HTR7: variants seen among roughly 807,000 people sequenced by gnomAD.
The protein encoded by HTR7 is 5-hydroxytryptamine receptor 7.
Under a neutral mutation model 34.0 loss-of-function variants are expected in HTR7, and 16 were observed. The ratio of observed to expected loss-of-function variants is 0.47; its 90% CI spans 0.32 to 0.71. The LOEUF is 0.71. Ranked by LOEUF, HTR7 falls within the 30% of genes least tolerant of loss-of-function variation. The pLI, the probability that HTR7 is intolerant of heterozygous loss-of-function variation, is 0.04. For missense variants in HTR7, 504 were observed against 625.5 expected (o/e 0.81, Z 2.07); for synonymous variants, 265 against 260.2 (o/e 1.02, Z -0.18).
At position 90,749,231 on chromosome 10, in the gene HTR7, C is replaced by T. The variant is rs1194442397; in HGVS notation, c.903G>A (p.Glu301=). The T allele has an allele frequency of 1.2e-6, 2 of 1,614,074 alleles. No homozygotes were observed. The highest frequency in any genetic ancestry group is 1.1e-5 in the South Asian group (1 of 91,062). ...TGAGGAGTCTCGAAAGGTTTGCACA[C>T]TCTTCCACCTCCTTCTGGAGCTTCA... is the stretch of plus-strand genomic sequence containing the variant. ...GIVKLQKEVE[E]CANLSRLLKH... is the part of the protein sequence containing the mutation. The change falls in exon 2 of 4, where the codon GAG becomes GAA. Residue 301 remains glutamate (E), a synonymous_variant. Transcript: ENST00000336152. This position sits in a 1 kb window ranked among gnomAD's most constrained non-coding sequence, Gnocchi z 4.2.
intron 1 of HTR7, among the ~76,000 whole-genome samples, chr10:90,830,358 A>T (rs1846147976): frequency 6.6e-6 from 1 of 152,252 alleles, no homozygotes; most frequent in Non-Finnish European, 1.5e-5. Context: ...ACAGCTTCTA[A>T]ATTTGTAACC....
chr10:90,780,837 A>C (rs1427982815), intron 1 of HTR7, among the ~76,000 whole-genome samples: 3 of 152,244 alleles, frequency 2.0e-5, no homozygotes. Flanking sequence ...TCCCAGAAAG[A>C]GACAGACATA....
intron 1 of HTR7, among the ~76,000 whole-genome samples, chr10:90,754,068 A>C (rs1359097588): frequency 1.3e-5 from 2 of 152,212 alleles, no homozygotes; most frequent in Admixed American, 1.3e-4. Context: ...TGTAAAAAAA[A>C]CACTATTTTA....
chr10:90,816,126 G>T (rs150573563), intron 1 of HTR7, among the ~76,000 whole-genome samples: 50 of 152,320 alleles, frequency 3.3e-4, no homozygotes, highest in African/African-American at 1.2e-3. Context: ...GACTGCGTCT[G>T]AAGCTATGCG....
intron 1 of HTR7, among the ~76,000 whole-genome samples, chr10:90,768,086 C>T (rs1222220516): frequency 6.6e-6 from 1 of 152,150 alleles, no homozygotes; most frequent in Non-Finnish European, 1.5e-5. Flanking sequence ...AACTGAACAT[C>T]CTTCCATTTC....
rs781382991 is a variant in HTR7 at position 90,749,160 on chromosome 10, G to A, written c.974C>T (p.Ala325Val). ...GACGATGATCCCCAGGGTGGTGGCTGCTTTCTGTTCTCGCTTAAAGATGGA... is the reference window on the plus strand; with the variant it reads ...GACGATGATCCCCAGGGTGGTGGCTACTTTCTGTTCTCGCTTAAAGATGGA... ...NISIFKREQK[A>V]ATTLGIIVGA... The change falls in exon 2 of 4, where the codon GCA (alanine) becomes GTA (valine). Residue 325 changes from alanine (A) to valine (V), a missense_variant. Physicochemically the swap from Ala to Val is moderately conservative, Grantham distance 64. Around this residue, in one of 4 missense-constraint regions of HTR7, gnomAD observed 154 missense variants for 212.1 expected, o/e 0.73. Transcript: ENST00000336152. The surrounding 1 kb of genome is among the most constrained non-coding windows in gnomAD (Gnocchi z 4.2). The A allele has an allele frequency of 1.9e-6, 3 of 1,614,128 alleles. No individual in the cohort carries two copies. The highest frequency in any genetic ancestry group is 2.5e-6 in the Non-Finnish European group (3 of 1,180,012).
intron 1 of HTR7, among the ~76,000 whole-genome samples, chr10:90,829,671 A>C (rs142757695): frequency 6.6e-6 from 1 of 152,346 alleles, no homozygotes; most frequent in East Asian, 1.9e-4. Flanking sequence ...ATTGCAAAGA[A>C]GTCAAACTGT....
chr10:90,850,717 G>A (rs1846484147), intron 1 of HTR7, among the ~76,000 whole-genome samples: 1 of 152,154 alleles, frequency 6.6e-6, no homozygotes, highest in African/African-American at 2.4e-5. Context: ...GGAATTTCTA[G>A]AATTGTAAAA....
chr10:90,847,334 T>G (rs1234389843), intron 1 of HTR7, among the ~76,000 whole-genome samples: 1 of 151,446 alleles, frequency 6.6e-6, no homozygotes, highest in Non-Finnish European at 1.5e-5. Flanking sequence ...TACTTCCTGT[T>G]AGTTAACATG....
chr10:90,792,409 A>T (rs1845472535), intron 1 of HTR7, among the ~76,000 whole-genome samples: 1 of 152,026 alleles, frequency 6.6e-6, no homozygotes, highest in Non-Finnish European at 1.5e-5. Context: ...CAGCTATACC[A>T]GCAGGAATTA....
intron 1 of HTR7, among the ~76,000 whole-genome samples, chr10:90,770,171 G>A (rs1255077797): frequency 6.6e-6 from 1 of 152,238 alleles, no homozygotes; most frequent in Non-Finnish European, 1.5e-5. Context: ...TGCAGGGAGG[G>A]CACGGGAAGG....
At chr10:90,742,570 A>C (rs372321901) in intron 3 of HTR7, 42 bp from the exon 4 acceptor site, 139 of 1,371,618 alleles carry the variant, frequency 1.0e-4, no homozygotes, top group Non-Finnish European at 1.3e-4. Flanking sequence ...ATTTAGTAGA[A>C]CTGTAAATGT....
chr10:90,823,212 C>A (rs746327968), intron 1 of HTR7, among the ~76,000 whole-genome samples: 1 of 152,334 alleles, frequency 6.6e-6, no homozygotes, highest in African/African-American at 2.4e-5. Context: ...GGAAAAGCTG[C>A]AGGCTCTCAA....
At chr10:90,834,456 C>G (rs926488217) in intron 1 of HTR7, among the ~76,000 whole-genome samples, 1 of 152,158 alleles carries the variant, frequency 6.6e-6, no homozygotes, top group Non-Finnish European at 1.5e-5. Flanking sequence ...TACTGCAAAA[C>G]CTTGCGGCTT....
At chr10:90,831,719 G>A (rs1846182817) in intron 1 of HTR7, among the ~76,000 whole-genome samples, 1 of 152,138 alleles carries the variant, frequency 6.6e-6, no homozygotes, top group Non-Finnish European at 1.5e-5. Flanking sequence ...GCTGATTGGT[G>A]CGTTTACAAT....
chr10:90,823,758 G>T (rs1442568081), intron 1 of HTR7, among the ~76,000 whole-genome samples: 1 of 152,170 alleles, frequency 6.6e-6, no homozygotes, highest in African/African-American at 2.4e-5. Flanking sequence ...GGTGGGAGTT[G>T]ATTCAATTAT....
intron 1 of HTR7, among the ~76,000 whole-genome samples, chr10:90,830,846 A>C (rs1372881673): frequency 1.3e-5 from 2 of 151,748 alleles, no homozygotes; most frequent in East Asian, 3.9e-4. Flanking sequence ...GATGCTCCAC[A>C]AAAAAGTTAA....
intron 1 of HTR7, among the ~76,000 whole-genome samples, chr10:90,842,969 A>G (rs1258742173): frequency 6.6e-6 from 1 of 152,160 alleles, no homozygotes; most frequent in African/African-American, 2.4e-5. Flanking sequence ...TTCACCAGAC[A>G]TCTCCTGATC....
rs187456787 is a variant in HTR7, at chr10:90,767,430, G to A, written c.540-17836C>T. 2.9e-3 allele frequency among the ~76,000 whole-genome samples: 445 copies of A among 152,160 alleles called. 2 individuals carry two copies. The highest frequency in any genetic ancestry group is 0.01 in the African/African-American group (421 of 41,514). ...AATTATCTTTGCACTATGAATTCTC[G>A]TTAGCTTCTTAGTTTATTAAGTAAA... On this transcript the variant is annotated intron_variant, in intron 1 of 3. Coordinates refer to ENST00000336152, the MANE Select transcript of HTR7 (RefSeq NM_019859.4).
Sources: gnomAD v4.1 joint callset for allele counts (sites outside exome capture counted in the v4.1 genomes callset) on GRCh38, gnomAD v4.1.1 for gene constraint, gnomAD v4.1.1 regional missense constraint, Gnocchi (gnomAD v3.1) non-coding constraint, MANE v1.5 for transcripts, NCBI Gene and HGNC (gene_info 2026-07-23, HGNC 2026-07-21) for gene names.